The following SH3PXD2B variants were observed in gnomAD, a reference collection of about 807,000 sequenced individuals.
SH3PXD2B encodes the protein SH3 and PX domains 2B.
SH3PXD2B carries 37 observed loss-of-function variants against 73.1 expected under a neutral mutation model. The ratio of observed to expected loss-of-function variants is 0.51; its 90% CI spans 0.39 to 0.67. SH3PXD2B has a LOEUF of 0.67. Ranked by LOEUF, SH3PXD2B falls within the 30% of genes least tolerant of loss-of-function variation. The pLI is 0.00. For synonymous variants in SH3PXD2B, 457 were observed against 480.5 expected, an observed-to-expected ratio of 0.95 and a Z score of 0.64; for missense variants, 1,053 against 1,197.8, an observed-to-expected ratio of 0.88 and a Z score of 1.78.
intron 11 of SH3PXD2B, 44 bp downstream of exon 11, chr5:172,347,238 GC>G: frequency 1.2e-6 from 2 of 1,604,066 alleles, no homozygotes; most frequent in Non-Finnish European, 1.7e-6. Context: ...ACCCCTCACA[GC>G]CCTCAAGTCA....
chr5:172,378,986 T>C (rs1757880909), intron 5 of SH3PXD2B, among the ~76,000 whole-genome samples: 3 of 145,378 alleles, frequency 2.1e-5, no homozygotes, highest in Middle Eastern at 7.0e-3. Context: ...AGGAGAATGG[T>C]GTGAACCTGG....
downstream of SH3PXD2B, among the ~76,000 whole-genome samples, chr5:172,331,946 C>CA (rs1168284358): frequency 6.6e-6 from 1 of 151,946 alleles, no homozygotes; most frequent in Non-Finnish European, 1.5e-5. Context: ...AACTCTGTCT[C>CA]AAAAAACAAA....
Position 172,454,339 on chromosome 5 carries a change from C to T in SH3PXD2B, c.14G>A (p.Arg5His). ...TAGCACCTTCACCTCCACGATGCTGCGCCGCGGCGGCATGGCCGCTCCTCC... is the reference window on the plus strand; with the variant it reads ...TAGCACCTTCACCTCCACGATGCTGTGCCGCGGCGGCATGGCCGCTCCTCC... MPPR[R>H]SIVEVKVLDV... The change falls in exon 1 of 13, where the codon CGC becomes CAC. Residue 5 changes from arginine to histidine, a missense_variant. Physicochemically the swap from Arg to His is conservative, Grantham distance 29. Transcript: ENST00000311601. 1 of 1,534,912 alleles carries T rather than the reference C, an allele frequency of 6.5e-7. No individual in the cohort carries two copies. Among genetic ancestry groups the T allele is most frequent in the Non-Finnish European group, 8.7e-7 (1 of 1,144,392 alleles).
intron 1 of SH3PXD2B, among the ~76,000 whole-genome samples, chr5:172,432,948 A>G (rs1420107058): frequency 6.8e-6 from 1 of 146,910 alleles, no homozygotes; most frequent in Non-Finnish European, 1.5e-5. Flanking sequence ...GGAAGAATTG[A>G]CTGTACCATA....
intron 5 of SH3PXD2B, among the ~76,000 whole-genome samples, chr5:172,376,396 T>C (rs1757822241): frequency 6.6e-6 from 1 of 152,192 alleles, no homozygotes; most frequent in Admixed American, 6.5e-5. Context: ...TCACTGTAGC[T>C]TGGATTTGCA....
At chr5:172,394,263 T>C (rs958401640) in intron 4 of SH3PXD2B, among the ~76,000 whole-genome samples, 2 of 152,166 alleles carry the variant, frequency 1.3e-5, no homozygotes, top group African/African-American at 4.8e-5. Context: ...GTTTTAATAG[T>C]AGGGAAATTC....
At chr5:172,348,656 T>C (rs367583879) in intron 10 of SH3PXD2B, among the ~76,000 whole-genome samples, 4 of 36,350 alleles carry the variant, frequency 1.1e-4, no homozygotes, top group African/African-American at 3.5e-4. Context: ...CTATCTATCC[T>C]ATCTATCTAT....
At chr5:172,341,773 C>T (rs1280111192) in intron 12 of SH3PXD2B, among the ~76,000 whole-genome samples, 1 of 152,150 alleles carries the variant, frequency 6.6e-6, no homozygotes, top group Non-Finnish European at 1.5e-5. Flanking sequence ...GCCTCAGCCT[C>T]CCAAGTAGCT....
chr5:172,399,091 T>G (rs1372395292), intron 3 of SH3PXD2B, among the ~76,000 whole-genome samples: 1 of 152,238 alleles, frequency 6.6e-6, no homozygotes, highest in African/African-American at 2.4e-5. Flanking sequence ...TAACTGAAGT[T>G]CCTTTAAAAC....
intron 6 of SH3PXD2B, among the ~76,000 whole-genome samples, chr5:172,371,838 G>C (rs926377632): frequency 6.6e-6 from 1 of 152,154 alleles, no homozygotes; most frequent in Admixed American, 6.5e-5. Context: ...CTCGAAACCA[G>C]AAACTCTGCC....
downstream of SH3PXD2B, among the ~76,000 whole-genome samples, chr5:172,329,540 C>CTTTTTTTTTTTTTTTTTTTTTTTTT (rs370876232): frequency 4.8e-4 from 51 of 106,428 alleles, 6 homozygotes; most frequent in East Asian, 9.1e-4. Context: ...CTTTGTTATT[C>CTTTTTTTTTTTTTTTTTTTTTTTTT]TTTTTTTTTT....
At chr5:172,442,104 A>AATG (rs1759562362) in intron 1 of SH3PXD2B, among the ~76,000 whole-genome samples, 1 of 152,218 alleles carries the variant, frequency 6.6e-6, no homozygotes, top group Non-Finnish European at 1.5e-5. Context: ...GAATGTGCTT[A>AATG]ATGTGCTCTA....
intron 1 of SH3PXD2B, among the ~76,000 whole-genome samples, chr5:172,450,357 G>C (rs770939001): frequency 8.6e-5 from 13 of 152,016 alleles, no homozygotes; most frequent in Non-Finnish European, 1.9e-4. Context: ...TTGCATCTGC[G>C]ATGCTTTATT....
In SH3PXD2B at chr5:172,338,836, C is replaced by A. The variant is rs372424713; in HGVS notation, c.2269G>T (p.Val757Phe). 1.9e-6 allele frequency: 3 copies of A among 1,613,802 alleles called. No homozygotes were observed. In the African/African-American group the frequency reaches 4.0e-5, roughly 22 times the overall value. The stretch of plus-strand genomic sequence containing the variant: ...GGGGGAGGTGGTCTGCGGGGTGGGA[C>A]CACAGGTCTCTGCTGGGGAGCCTCT... Reference protein sequence around the residue: ...LQEAPQQRPVVPPRRPPPPKK... With the variant: ...LQEAPQQRPVFPPRRPPPPKK... Residue 757 changes from valine (V) to phenylalanine (F), a missense_variant, in exon 13 of 13, where the codon GTC (valine) becomes TTC (phenylalanine). Transcript: ENST00000311601. This position sits in a 1 kb window ranked among gnomAD's most constrained non-coding sequence, Gnocchi z 5.1.
intron 12 of SH3PXD2B, among the ~76,000 whole-genome samples, chr5:172,340,877 G>A (rs1205342655): frequency 3.9e-5 from 6 of 152,200 alleles, no homozygotes; most frequent in Non-Finnish European, 5.9e-5. Context: ...TTACAGGTGT[G>A]AGCCACTGTG....
intron 10 of SH3PXD2B, among the ~76,000 whole-genome samples, chr5:172,348,626 G>GTCTATCTATCTATCTATCTATC (rs1561896273): frequency 8.1e-4 from 75 of 92,592 alleles, no homozygotes; most frequent in African/African-American, 4.3e-3. Context: ...ATCTATCTAT[G>GTCTATCTATCTATCTATCTATC]TATCTATCTA....
At chr5:172,406,496 T>G in intron 2 of SH3PXD2B, 144 bp from the exon 3 acceptor site, 1 of 880,566 alleles carries the variant, frequency 1.1e-6, no homozygotes, top group Non-Finnish European at 1.8e-6. Context: ...CCCAAACTAA[T>G]GGGAAAGGCA....
intron 8 of SH3PXD2B, among the ~76,000 whole-genome samples, chr5:172,355,201 C>T (rs1757243673): frequency 2.0e-5 from 3 of 152,244 alleles, no homozygotes; most frequent in South Asian, 2.1e-4. Context: ...ACATGCCGTC[C>T]GCGGCCTGCC....
downstream of SH3PXD2B, among the ~76,000 whole-genome samples, chr5:172,329,074 TA>T (rs1756502535): frequency 5.0e-5 from 4 of 80,504 alleles, no homozygotes; most frequent in African/African-American, 1.4e-4. Context: ...TATATATATA[TA>T]TATATATATT....
Sources: allele counts gnomAD v4.1 joint callset (sites outside exome capture counted in the v4.1 genomes callset), GRCh38; gene constraint gnomAD v4.1.1; non-coding constraint Gnocchi (gnomAD v3.1); transcripts MANE v1.5; gene names NCBI Gene and HGNC (gene_info 2026-07-23, HGNC 2026-07-21).